The following ANKS1B variants were observed in gnomAD, a reference collection of about 807,000 sequenced individuals.
The protein encoded by ANKS1B is ankyrin repeat and sterile alpha motif domain containing 1B, also known as ankyrin repeat and sterile alpha motif domain-containing protein 1B.
ANKS1B carries 36 observed loss-of-function variants against 148.3 expected under a neutral mutation model. The observed-to-expected ratio is 0.24, with a 90% CI of 0.19 to 0.32. The LOEUF is 0.32. ANKS1B is among the 10% of genes least tolerant of loss of function. ANKS1B has a pLI of 1.00. For missense variants in ANKS1B, 1,157 were observed against 1,542.6 expected (o/e 0.75, Z 4.19); for synonymous variants, 542 against 560.8 (o/e 0.97, Z 0.47).
intron 17 of ANKS1B, among the ~76,000 whole-genome samples, chr12:98,986,061 T>C (rs546109637): frequency 6.6e-6 from 1 of 152,338 alleles, no homozygotes; most frequent in South Asian, 2.1e-4. Context: ...TCCATTGTTT[T>C]TTGGCTTACT....
chr12:99,096,158 G>T (rs1214290315), intron 15 of ANKS1B, among the ~76,000 whole-genome samples: 1 of 152,092 alleles, frequency 6.6e-6, no homozygotes, highest in Non-Finnish European at 1.5e-5. Flanking sequence ...AACATTTAGG[G>T]GTATGTTAGG....
At chr12:99,773,927 T>C (rs2063422819) in intron 7 of ANKS1B, among the ~76,000 whole-genome samples, 1 of 152,086 alleles carries the variant, frequency 6.6e-6, no homozygotes, top group Admixed American at 6.6e-5. Context: ...CAATAAATAG[T>C]GTTGGGAAAG....
chr12:99,256,590 T>C (rs1373112977), intron 12 of ANKS1B, among the ~76,000 whole-genome samples: 2 of 152,248 alleles, frequency 1.3e-5, no homozygotes, highest in Non-Finnish European at 2.9e-5. Flanking sequence ...AGTTTTCAAC[T>C]GTGAATATCT....
At chr12:99,892,764 CAA>C (rs2093179269) in intron 1 of ANKS1B, among the ~76,000 whole-genome samples, 1 of 152,162 alleles carries the variant, frequency 6.6e-6, no homozygotes, top group Non-Finnish European at 1.5e-5. Flanking sequence ...TCTGCAGAGT[CAA>C]AGAGAGGTTC....
At chr12:98,987,236 G>A (rs189643064) in intron 17 of ANKS1B, among the ~76,000 whole-genome samples, 1 of 150,918 alleles carries the variant, frequency 6.6e-6, no homozygotes, top group Non-Finnish European at 1.5e-5. Flanking sequence ...AGAAGTTTGA[G>A]CAATAAATAG....
chr12:99,468,073 A>G (rs1473751064), intron 10 of ANKS1B, among the ~76,000 whole-genome samples: 1 of 152,206 alleles, frequency 6.6e-6, no homozygotes, highest in African/African-American at 2.4e-5. Context: ...ACAGCATGGT[A>G]CTGGTACCAA....
intron 9 of ANKS1B, among the ~76,000 whole-genome samples, chr12:99,625,857 T>C (rs978008495): frequency 6.6e-6 from 1 of 152,020 alleles, no homozygotes; most frequent in African/African-American, 2.4e-5. Flanking sequence ...AATAAAAGGG[T>C]AATGATAGTA....
intron 1 of ANKS1B, among the ~76,000 whole-genome samples, chr12:99,962,635 A>T (rs1363887972): frequency 6.6e-6 from 1 of 152,226 alleles, no homozygotes; most frequent in African/African-American, 2.4e-5. Context: ...ACTGTCTTCA[A>T]CAATGATTGA....
rs149507061 is a variant in ANKS1B, at chr12:99,342,105, C to T, written c.1756+57526G>A. 3.4e-4 allele frequency among the ~76,000 whole-genome samples: 51 copies of T among 152,034 alleles called. No individual in the cohort carries two copies. In the East Asian group the frequency reaches 4.6e-3, roughly 14 times the overall value. On this transcript the variant is annotated intron_variant, in intron 12 of 26. Coordinates refer to ENST00000683438, the MANE Select transcript of ANKS1B (RefSeq NM_001352186.2). The stretch of plus-strand genomic sequence containing the variant: ...TAGGAATATGGTGGTGAATAAAACG[C>T]GCATAGTTCCTGATATCATGGAGGT...
chr12:99,973,010 G>C lies in ANKS1B; in HGVS notation c.134+11094C>G, dbSNP rs112177515. On this transcript the variant is annotated intron_variant, in intron 1 of 26. Coordinates refer to ENST00000683438, the MANE Select transcript of ANKS1B (RefSeq NM_001352186.2). ...ATGACAGCACATCTGTTTGTAGCAT[G>C]GTTTACTGAATATTTTAAGCCCAAT... Among the ~76,000 whole-genome samples the C allele has an allele frequency of 3.3e-4, 51 of 152,274 alleles. 1 individual carries two copies. The highest frequency in any genetic ancestry group is 1.2e-3 in the African/African-American group (48 of 41,550).
At chr12:99,514,156 A>G (rs546896364) in intron 9 of ANKS1B, among the ~76,000 whole-genome samples, 2 of 152,206 alleles carry the variant, frequency 1.3e-5, no homozygotes, top group African/African-American at 2.4e-5. Flanking sequence ...ATTAATTTCT[A>G]AAGACATACT....
intron 17 of ANKS1B, among the ~76,000 whole-genome samples, chr12:98,943,422 A>T (rs1327219879): frequency 6.6e-6 from 1 of 152,182 alleles, no homozygotes; most frequent in Non-Finnish European, 1.5e-5. Flanking sequence ...TTATAGTTCT[A>T]TTTATCAGAT....
intron 17 of ANKS1B, among the ~76,000 whole-genome samples, chr12:98,906,126 T>C (rs1596622232): frequency 6.6e-6 from 1 of 152,210 alleles, no homozygotes; most frequent in Non-Finnish European, 1.5e-5. Flanking sequence ...GTATGGAGGG[T>C]GAGAATGTTC....
chr12:98,741,890 T>TGCAG (rs1275728723), downstream of ANKS1B, among the ~76,000 whole-genome samples: 2 of 152,234 alleles, frequency 1.3e-5, no homozygotes, highest in African/African-American at 2.4e-5. Context: ...GAGGGAGGGC[T>TGCAG]GCAGGCAGGC....
At chr12:98,885,056 C>T (rs983258993) in intron 17 of ANKS1B, among the ~76,000 whole-genome samples, 9 of 152,154 alleles carry the variant, frequency 5.9e-5, no homozygotes, top group Non-Finnish European at 7.4e-5. Context: ...ATTCATAACT[C>T]CTCCCTTTTT....
At position 98,777,624 on chromosome 12, in the gene ANKS1B, C is replaced by T. The variant is rs374543351; in HGVS notation, c.3441+3493G>A. Among the ~76,000 whole-genome samples the T allele has an allele frequency of 2.0e-5, 3 of 152,338 alleles. No homozygotes were observed. The East Asian group carries it at 5.8e-4, about 29-fold the overall frequency. ...AGGCTGAGGTGATTTATCTAAAACA[C>T]TTTAGTGCTAAATCTATTGCAAGTT... is the stretch of plus-strand genomic sequence containing the variant. On this transcript the variant is annotated intron_variant, in intron 24 of 26. Transcript: ENST00000683438.
chr12:99,218,865 A>G (rs1201987487), intron 14 of ANKS1B, among the ~76,000 whole-genome samples: 1 of 152,204 alleles, frequency 6.6e-6, no homozygotes, highest in Non-Finnish European at 1.5e-5. Flanking sequence ...GTCTTGTTAA[A>G]CCTAGTACAA....
At chr12:99,560,942 GT>G (rs1400716952) in intron 9 of ANKS1B, among the ~76,000 whole-genome samples, 2 of 147,216 alleles carry the variant, frequency 1.4e-5, no homozygotes, top group African/African-American at 2.5e-5. Context: ...CGCCTCCTGG[GT>G]TCACGCCATT....
intron 1 of ANKS1B, among the ~76,000 whole-genome samples, chr12:99,847,790 ATGGG>A (rs1023934794): frequency 6.6e-6 from 1 of 152,040 alleles, no homozygotes; most frequent in Admixed American, 6.6e-5. Flanking sequence ...GACCCTTAAG[ATGGG>A]TTAGGAAAGG....
Sources: allele counts gnomAD v4.1 joint callset (sites outside exome capture counted in the v4.1 genomes callset), GRCh38; gene constraint gnomAD v4.1.1; transcripts MANE v1.5; gene names NCBI Gene and HGNC (gene_info 2026-07-23, HGNC 2026-07-21).